Variants in FRMD4A observed in about 807,000 individuals in gnomAD.
FRMD4A encodes FERM domain-containing protein 4A.
Under a neutral mutation model 129.1 loss-of-function variants are expected in FRMD4A, and 29 were observed. The ratio of observed to expected loss-of-function variants is 0.22; its 90% confidence interval spans 0.17 to 0.31. The LOEUF (loss-of-function observed/expected upper bound fraction) is 0.31. Ranked by LOEUF, FRMD4A falls within the 10% of genes least tolerant of loss-of-function variation. The pLI is 1.00. For synonymous variants in FRMD4A, 634 were observed against 571.6 expected (o/e 1.11, Z -1.56); for missense variants, 1,272 against 1,375.8 (o/e 0.92, Z 1.19).
At chr10:13,918,305 C>T (rs1240207941) in intron 2 of FRMD4A, among the ~76,000 whole-genome samples, 7 of 152,240 alleles carry the variant, frequency 4.6e-5, no homozygotes, top group African/African-American at 9.6e-5. Flanking sequence ...TGCTAAATGA[C>T]GTCTCCAGTC....
At chr10:13,657,943 C>T (rs948149171) in intron 21 of FRMD4A, among the ~76,000 whole-genome samples, 2 of 151,702 alleles carry the variant, frequency 1.3e-5, no homozygotes, top group African/African-American at 4.8e-5. Context: ...GAATTTGAGA[C>T]CATCCTGTGC....
At chr10:13,809,483 G>C (rs1296578166) in intron 4 of FRMD4A, among the ~76,000 whole-genome samples, 2 of 151,772 alleles carry the variant, frequency 1.3e-5, no homozygotes, top group Non-Finnish European at 2.9e-5. Context: ...ATTTGTAAAA[G>C]TAATTGTTCT....
At position 13,645,070 on chromosome 10, in the gene FRMD4A, G is replaced by A. The variant is rs1448802574; in HGVS notation, c.*1968C>T. The A allele has an allele frequency of 6.6e-6, 1 of 152,324 alleles. No homozygotes were observed. Among genetic ancestry groups the A allele is most frequent in the Non-Finnish European group, 1.5e-5 (1 of 68,114 alleles). 9.4% of individuals were successfully genotyped at this position (152,324 alleles called of 1,614,324 possible). ...CCCGCCTTGTCCCTGCCGGGTCCCG[G>A]CCAGGTGTGTGTGTGCCCCAGCTCG... On this transcript the variant is annotated 3_prime_UTR_variant, in exon 25 of 25. Coordinates refer to ENST00000357447, the MANE Select transcript of FRMD4A (RefSeq NM_018027.5).
chr10:13,699,542 C>T (rs577854133), intron 14 of FRMD4A, among the ~76,000 whole-genome samples: 5 of 152,280 alleles, frequency 3.3e-5, no homozygotes, highest in Non-Finnish European at 4.4e-5. Flanking sequence ...ATGCAAAAAC[C>T]GGCGCAGAGA....
chr10:13,723,165 G>C lies in FRMD4A; in HGVS notation c.759+14679C>G, dbSNP rs2089599084. Among the ~76,000 whole-genome samples, 2 of 152,172 alleles carry C rather than the reference G, an allele frequency of 1.3e-5. 1 individual carries two copies. Among genetic ancestry groups the C allele is most frequent in the South Asian group, 4.1e-4 (2 of 4,820 alleles). ...GCTGGTTAGCTAGGTCACCATGCTG[G>C]TTAGCTAGGTCTCCAAGCTGGTTAG... On this transcript the variant is annotated intron_variant, in intron 12 of 24. Transcript: ENST00000357447.
At chr10:14,260,349 A>G (rs566788981) in intron 2 of FRMD4A, among the ~76,000 whole-genome samples, 1 of 152,352 alleles carries the variant, frequency 6.6e-6, no homozygotes, top group African/African-American at 2.4e-5. Flanking sequence ...TATCCAGCAG[A>G]GAAAGACTGT....
chr10:14,313,400 T>C (rs1846627609), intron 2 of FRMD4A, among the ~76,000 whole-genome samples: 2 of 152,118 alleles, frequency 1.3e-5, no homozygotes, highest in African/African-American at 2.4e-5. Context: ...TTTAAAAAAT[T>C]AATTTGCAAA....
chr10:14,063,459 T>C (rs1268107210), intron 2 of FRMD4A, among the ~76,000 whole-genome samples: 9 of 152,076 alleles, frequency 5.9e-5, no homozygotes, highest in Admixed American at 5.9e-4. Flanking sequence ...GAATATTTTA[T>C]AGAAAATTGA....
chr10:14,019,579 T>C (rs1832636511), intron 2 of FRMD4A, among the ~76,000 whole-genome samples: 1 of 152,256 alleles, frequency 6.6e-6, no homozygotes, highest in South Asian at 2.1e-4. Flanking sequence ...GCCTGGGTTT[T>C]TCTTTCTAAG....
intron 2 of FRMD4A, among the ~76,000 whole-genome samples, chr10:13,919,206 C>T (rs1408105191): frequency 1.3e-5 from 2 of 152,154 alleles, no homozygotes; most frequent in African/African-American, 2.4e-5. Flanking sequence ...AAAAAGAAAA[C>T]TCCTGCTCAA....
intron 2 of FRMD4A, among the ~76,000 whole-genome samples, chr10:14,020,612 A>G (rs1354782818): frequency 1.3e-5 from 2 of 152,178 alleles, no homozygotes; most frequent in Non-Finnish European, 2.9e-5. Context: ...CCCATGGGGC[A>G]TCAGGCAATC....
chr10:14,017,710 G>A (rs1442837308), intron 2 of FRMD4A, among the ~76,000 whole-genome samples: 11 of 152,232 alleles, frequency 7.2e-5, no homozygotes, highest in Admixed American at 3.9e-4. Context: ...GATTCCTTTC[G>A]CTCCTGTGCC....
chr10:13,659,929 A>G (rs1161984339), intron 20 of FRMD4A, among the ~76,000 whole-genome samples: 1 of 152,210 alleles, frequency 6.6e-6, no homozygotes, highest in Non-Finnish European at 1.5e-5. Context: ...CTTGGATTAC[A>G]GCTGCTTGGC....
At chr10:13,738,462 G>T (rs2090780619) in intron 11 of FRMD4A, among the ~76,000 whole-genome samples, 1 of 152,176 alleles carries the variant, frequency 6.6e-6, no homozygotes, top group Non-Finnish European at 1.5e-5. Context: ...ACCTTCCCCA[G>T]CTCCGGGGAG....
At chr10:13,652,727 G>GC (rs2081752937) in intron 23 of FRMD4A, 1 of 152,372 alleles carries the variant, frequency 6.6e-6, no homozygotes, top group South Asian at 2.1e-4. Context: ...ATCAGAGGCA[G>GC]CAGGGGATCG....
intron 3 of FRMD4A, 103 bp from the exon 4 acceptor site, chr10:13,811,011 A>G (rs1202912104): frequency 1.6e-6 from 1 of 623,380 alleles, no homozygotes; most frequent in Non-Finnish European, 2.9e-6. Flanking sequence ...AATGTCACAA[A>G]GCTCAAGTAT....
chr10:14,060,820 C>G (rs1247066325), intron 2 of FRMD4A, among the ~76,000 whole-genome samples: 3 of 152,106 alleles, frequency 2.0e-5, no homozygotes, highest in Non-Finnish European at 4.4e-5. Context: ...TGAATCTTTT[C>G]TGATCTTTGG....
At chr10:14,019,377 CAT>C (rs1447253795) in intron 2 of FRMD4A, among the ~76,000 whole-genome samples, 2 of 152,078 alleles carry the variant, frequency 1.3e-5, no homozygotes, top group Non-Finnish European at 2.9e-5. Flanking sequence ...CCAGGAAAAA[CAT>C]AAAGTTGTAA....
intron 16 of FRMD4A, among the ~76,000 whole-genome samples, chr10:13,674,332 G>T (rs75720259): frequency 6.6e-6 from 1 of 152,278 alleles, no homozygotes; most frequent in Admixed American, 6.5e-5. Flanking sequence ...GCACTATCAC[G>T]TGAGGAGATG....
Sources: gnomAD v4.1 joint callset for allele counts (sites outside exome capture counted in the v4.1 genomes callset) on GRCh38, gnomAD v4.1.1 for gene constraint, MANE v1.5 for transcripts, NCBI Gene and HGNC (gene_info 2026-07-23, HGNC 2026-07-21) for gene names.